Variants in CACNA1D observed in about 807,000 individuals in gnomAD.
CACNA1D encodes the protein voltage-dependent L-type calcium channel subunit alpha-1D.
A neutral mutation model predicts 257.1 loss-of-function variants in CACNA1D; 55 were observed. The observed-to-expected ratio is 0.21, with a 90% CI of 0.17 to 0.27. The LOEUF is 0.27. Among genes scored for constraint, CACNA1D ranks in the 10% least tolerant of loss-of-function variants. The probability of loss-of-function intolerance (pLI) is 1.00; values close to 1 mark genes in which losing one functional copy is unlikely to be tolerated. For missense variants in CACNA1D, 1,876 were observed against 2,784.0 expected (o/e 0.67, Z 7.34); for synonymous variants, 980 against 1,014.9 (o/e 0.97, Z 0.65).
At chr3:53,578,898 T>C (rs1185843299) in intron 3 of CACNA1D, among the ~76,000 whole-genome samples, 2 of 152,222 alleles carry the variant, frequency 1.3e-5, no homozygotes, top group Non-Finnish European at 2.9e-5. Flanking sequence ...AGAACAGAGC[T>C]GTGCTTTAGA....
At chr3:53,732,743 T>TG in intron 18 of CACNA1D, 72 bp from the exon 19 acceptor site, 1 of 1,435,094 alleles carries the variant, frequency 7.0e-7, no homozygotes, top group Non-Finnish European at 9.8e-7. Flanking sequence ...AATTTGCATG[T>TG]GAAATTAAGA....
chr3:53,669,118 A>G (rs2094298013), intron 7 of CACNA1D, among the ~76,000 whole-genome samples: 1 of 152,202 alleles, frequency 6.6e-6, no homozygotes, highest in Admixed American at 6.5e-5. Context: ...GTTCTCTAAG[A>G]TTTTACTCTC....
chr3:53,656,514 C>T (rs2094149061), intron 4 of CACNA1D, among the ~76,000 whole-genome samples: 1 of 152,072 alleles, frequency 6.6e-6, no homozygotes, highest in South Asian at 2.1e-4. Context: ...TTTATGACCT[C>T]AGTGTAGCCA....
At position 53,740,299 on chromosome 3, in the gene CACNA1D, A is replaced by G. The variant is rs200504982; in HGVS notation, c.2771A>G (p.Tyr924Cys). The part of the protein sequence containing the change: ...FRNTILGYFD[Y>C]AFTAIFTVEI... Reference sequence around the variant, plus strand: ...TTGCAGATACTGGGTTACTTTGACTATGCCTTCACAGCCATCTTTACTGTT... The same window carrying G: ...TTGCAGATACTGGGTTACTTTGACTGTGCCTTCACAGCCATCTTTACTGTT... Residue 924 changes from tyrosine to cysteine, a missense_variant, in exon 21 of 48, where the codon TAT (tyrosine) becomes TGT (cysteine). This residue lies in a region of CACNA1D where 271 missense variants were observed against 425.5 expected (regional missense o/e 0.64). Coordinates refer to ENST00000350061, the MANE Select transcript of CACNA1D (RefSeq NM_001128840.3). 9 of 1,612,716 alleles carry G rather than the reference A, an allele frequency of 5.6e-6. No individual in the cohort carries two copies. In the East Asian group the frequency reaches 1.6e-4, roughly 28 times the overall value.
intron 9 of CACNA1D, among the ~76,000 whole-genome samples, chr3:53,712,938 G>T (rs2094775668): frequency 6.6e-6 from 1 of 152,202 alleles, no homozygotes; most frequent in African/African-American, 2.4e-5. Context: ...CCTTCGGGGT[G>T]CCTTGACTGG....
At chr3:53,579,147 C>T (rs74971934) in intron 3 of CACNA1D, among the ~76,000 whole-genome samples, 1,911 of 152,276 alleles carry the variant, frequency 0.013, 35 homozygotes, top group South Asian at 0.04. Flanking sequence ...GTGTTCCAAA[C>T]GGCAATTGAG....
chr3:53,715,316 G>A (rs967439287), intron 9 of CACNA1D, among the ~76,000 whole-genome samples: 1 of 152,038 alleles, frequency 6.6e-6, no homozygotes, highest in South Asian at 2.1e-4. Flanking sequence ...GGCTCTTTAG[G>A]TGTCAAACAA....
chr3:53,691,517 G>A (rs1225258898), intron 8 of CACNA1D, among the ~76,000 whole-genome samples: 4 of 150,898 alleles, frequency 2.7e-5, no homozygotes, highest in African/African-American at 9.8e-5. Flanking sequence ...TCTACTGGAA[G>A]CATTGGCATG....
At chr3:53,579,948 C>T (rs1023905491) in intron 3 of CACNA1D, among the ~76,000 whole-genome samples, 14 of 152,186 alleles carry the variant, frequency 9.2e-5, no homozygotes, top group African/African-American at 2.9e-4. Flanking sequence ...GCAGGGCTTG[C>T]GAAAAGATTC....
intron 2 of CACNA1D, among the ~76,000 whole-genome samples, chr3:53,497,971 G>C (rs890681985): frequency 1.3e-5 from 2 of 152,224 alleles, no homozygotes; most frequent in African/African-American, 4.8e-5. Flanking sequence ...GTTGCTTCTA[G>C]TCTGACATTT....
At chr3:53,665,620 C>G in intron 5 of CACNA1D, 40 bp from the exon 6 acceptor site, 3 of 1,568,016 alleles carry the variant, frequency 1.9e-6, no homozygotes, top group Non-Finnish European at 2.6e-6. Context: ...ATTGGAGTGC[C>G]TTCCTGGCTC....
At position 53,553,125 on chromosome 3, in the gene CACNA1D, G is replaced by C. The variant is rs149050895; in HGVS notation, c.483+51405G>C. 5.3e-3 allele frequency among the ~76,000 whole-genome samples: 810 copies of C among 152,290 alleles called. 4 individuals carry two copies. Among genetic ancestry groups the C allele is most frequent in the African/African-American group, 0.018 (754 of 41,566 alleles). Reference sequence around the variant, plus strand: ...GTGACTTCAGCTTAGGAAACAAAAGGTTACTTTAAAGTAATGCTGTTTTAC... The same window carrying C: ...GTGACTTCAGCTTAGGAAACAAAAGCTTACTTTAAAGTAATGCTGTTTTAC... On this transcript the variant is annotated intron_variant, in intron 3 of 47. Transcript: ENST00000350061.
At position 53,620,892 on chromosome 3, in the gene CACNA1D, G is replaced by A. The variant is rs115628409; in HGVS notation, c.484-29887G>A. Among the ~76,000 whole-genome samples, 630 of 152,326 alleles carry A rather than the reference G, an allele frequency of 4.1e-3. 7 individuals are homozygous for A. The highest frequency in any genetic ancestry group is 0.014 in the African/African-American group (600 of 41,564). On this transcript the variant is annotated intron_variant, in intron 3 of 47. Coordinates refer to ENST00000350061, the MANE Select transcript of CACNA1D (RefSeq NM_001128840.3). Reference sequence around the variant, plus strand: ...CTGGGGGAAACAGAGAGGAAGGAGCGTGCAGGCACTGAGGCCAGAGGAAGA... The same window carrying A: ...CTGGGGGAAACAGAGAGGAAGGAGCATGCAGGCACTGAGGCCAGAGGAAGA...
chr3:53,654,195 G>A (rs1353178305), intron 4 of CACNA1D, among the ~76,000 whole-genome samples: 1 of 140,618 alleles, frequency 7.1e-6, no homozygotes, highest in African/African-American at 2.6e-5. Context: ...AGGTAGAAAA[G>A]TGGATCTACA....
At position 53,673,154 on chromosome 3, in the gene CACNA1D, G is replaced by A. The variant is rs1229605197; in HGVS notation, c.1220+28G>A. On this transcript the variant is annotated intron_variant, in intron 8 of 47. Transcript: ENST00000350061. This position sits in a 1 kb window ranked among gnomAD's most constrained non-coding sequence, Gnocchi z 4.1. ...AAGCTACACCTCTTTCATCTTGAAA[G>A]CAGAGTCCTGAGGACAGTTGCCAAG... The A allele has an allele frequency of 6.8e-7, 1 of 1,467,816 alleles. No individual in the cohort carries two copies. The highest frequency in any genetic ancestry group is 1.2e-5 in the South Asian group (1 of 82,304). The allele number at this position is 1,467,816 out of a possible 1,614,324, so 90.9% of individuals were successfully genotyped here. A position where few individuals can be genotyped will look rare whatever the true frequency, so the allele number is the denominator to read the frequency against.
chr3:53,691,225 C>T (rs527328592), intron 8 of CACNA1D, among the ~76,000 whole-genome samples: 9 of 151,628 alleles, frequency 5.9e-5, no homozygotes, highest in Middle Eastern at 3.4e-3. Flanking sequence ...CTGCAACTTC[C>T]GCCTCCTGGG....
chr3:53,564,841 C>G (rs2092805680), intron 3 of CACNA1D, among the ~76,000 whole-genome samples: 2 of 152,104 alleles, frequency 1.3e-5, no homozygotes, highest in East Asian at 3.8e-4. Flanking sequence ...AGGACTTGAA[C>G]CAAAGCTGTT....
chr3:53,709,461 G>A (rs2094726361), intron 9 of CACNA1D, among the ~76,000 whole-genome samples: 1 of 152,170 alleles, frequency 6.6e-6, no homozygotes, highest in Non-Finnish European at 1.5e-5. Flanking sequence ...CGTGTTCATG[G>A]TTTTGTGGGA....
At chr3:53,497,501 T>A in intron 2 of CACNA1D, 40 bp downstream of exon 2, 1 of 1,594,154 alleles carries the variant, frequency 6.3e-7, no homozygotes, top group African/African-American at 1.3e-5. Context: ...ATTTTCTCTT[T>A]TACCATCTGT....
Sources: gnomAD v4.1 joint callset for allele counts (sites outside exome capture counted in the v4.1 genomes callset) on GRCh38, gnomAD v4.1.1 for gene constraint, gnomAD v4.1.1 regional missense constraint, Gnocchi (gnomAD v3.1) non-coding constraint, MANE v1.5 for transcripts, NCBI Gene and HGNC (gene_info 2026-07-23, HGNC 2026-07-21) for gene names.